The following LTBP2 variants were observed in gnomAD, a reference collection of about 807,000 sequenced individuals.
LTBP2 encodes latent transforming growth factor beta binding protein 2.
Under a neutral mutation model 210.6 loss-of-function variants are expected in LTBP2, and 103 were observed. That is an observed-to-expected ratio of 0.49 (90% confidence interval 0.42 to 0.58). The LOEUF (loss-of-function observed/expected upper bound fraction) is 0.58, where lower values mean the gene tolerates loss of function less well. Among genes scored for constraint, LTBP2 ranks in the 20% least tolerant of loss-of-function variants. LTBP2 has a pLI of 0.00. For synonymous variants in LTBP2, 1,007 were observed against 1,015.0 expected, an observed-to-expected ratio of 0.99 and a Z score of 0.15; for missense variants, 2,313 against 2,494.5, an observed-to-expected ratio of 0.93 and a Z score of 1.55.
rs747223182 is a variant in LTBP2, at chr14:74,532,538, C to T, written c.1875G>A (p.Glu625=). ...LNLTHCQDIN[E]CLTLGLCKDA... Reference sequence around the variant, plus strand: ...CCTTGCACAGGCCCAGGGTCAAGCACTCGTTGATATCTGCAGGGTTGGAGG... The same window carrying T: ...CCTTGCACAGGCCCAGGGTCAAGCATTCGTTGATATCTGCAGGGTTGGAGG... The change falls in exon 10 of 36, where the codon GAG becomes GAA. Residue 625 remains glutamate, a synonymous_variant. Transcript: ENST00000261978. The T allele has an allele frequency of 4.3e-6, 7 of 1,614,144 alleles. No homozygotes were observed. In the South Asian group the frequency reaches 4.4e-5, roughly 10 times the overall value.
At position 74,568,496 on chromosome 14, in the gene LTBP2, C is replaced by G. The variant is rs570766588; in HGVS notation, c.831-12803G>C. Among the ~76,000 whole-genome samples, 26 of 152,054 alleles carry G rather than the reference C, an allele frequency of 1.7e-4. No homozygotes were observed. The East Asian group carries it at 5.0e-3, about 29-fold the overall frequency. On this transcript the variant is annotated intron_variant, in intron 3 of 35. Transcript: ENST00000261978. Reference sequence around the variant, plus strand: ...ATAAACGGACATATTCAGGAATGTGCTGGCATGGTGTTCAGGGATAATCAG... The same window carrying G: ...ATAAACGGACATATTCAGGAATGTGGTGGCATGGTGTTCAGGGATAATCAG...
intron 3 of LTBP2, among the ~76,000 whole-genome samples, chr14:74,580,047 G>A (rs184249544): frequency 1.2e-3 from 181 of 152,300 alleles, no homozygotes; most frequent in South Asian, 4.1e-3. Flanking sequence ...CACATCTGAC[G>A]CTTTCTTGGG....
intron 3 of LTBP2, among the ~76,000 whole-genome samples, chr14:74,563,837 C>T (rs1358847804): frequency 6.7e-6 from 1 of 149,872 alleles, no homozygotes; most frequent in Non-Finnish European, 1.5e-5. Context: ...TCTGCTGGCT[C>T]CTGGTGTAGG....
In LTBP2 at chr14:74,511,308, G is replaced by A; in HGVS notation, c.2965C>T (p.Pro989Ser). 1 of 1,614,142 alleles carries A rather than the reference G, an allele frequency of 6.2e-7. No homozygotes were observed. The highest frequency in any genetic ancestry group is 8.5e-7 in the Non-Finnish European group (1 of 1,180,034). Residue 989 changes from proline (P) to serine (S), a missense_variant, in exon 19 of 36, where the codon CCT becomes TCT. Physicochemically the swap from Pro to Ser is moderately conservative, Grantham distance 74. Coordinates refer to ENST00000261978, the MANE Select transcript of LTBP2 (RefSeq NM_000428.3). ...CAGGCCAGACAAGTGTAGGAGCCAG[G>A]GGAATTGACGCATCTCCCATCAGGG... ...TCPDGRCVNS[P>S]GSYTCLACEE... is the part of the protein sequence containing the mutation.
intron 8 of LTBP2, among the ~76,000 whole-genome samples, chr14:74,547,795 C>T (rs905084014): frequency 6.6e-6 from 1 of 152,014 alleles, no homozygotes; most frequent in South Asian, 2.1e-4. Context: ...GGAGAGAGAC[C>T]CCCACCCACT....
intron 2 of LTBP2, among the ~76,000 whole-genome samples, chr14:74,591,668 T>C (rs557362106): frequency 2.6e-5 from 4 of 152,206 alleles, no homozygotes; most frequent in Non-Finnish European, 4.4e-5. Context: ...AGTGTTTGCA[T>C]TATGGGATTG....
At chr14:74,528,844 CAGGGAAGGCTACTTCAGTCTTCCAGATTG>C in intron 11 of LTBP2, 85 bp downstream of exon 11, 8 of 1,519,384 alleles carry the variant, frequency 5.3e-6, no homozygotes, top group Non-Finnish European at 7.2e-6. Context: ...CGTGAGCAGG[CAGGGAAGGCTACTTCAGTCTTCCAGATTG>C]AGGGAAGTCT....
chr14:74,554,754 A>G (rs766597793), intron 4 of LTBP2, among the ~76,000 whole-genome samples: 6 of 152,218 alleles, frequency 3.9e-5, no homozygotes, highest in Non-Finnish European at 8.8e-5. Flanking sequence ...GCACACAATT[A>G]TAAATACACT....
Position 74,529,013 on chromosome 14 carries a change from G to C in LTBP2, c.2097C>G (p.Ser699Arg). The C allele has an allele frequency of 1.2e-6, 2 of 1,602,648 alleles. No individual in the cohort carries two copies. The highest frequency in any genetic ancestry group is 1.7e-6 in the Non-Finnish European group (2 of 1,174,822). Residue 699 changes from serine to arginine, a missense_variant, in exon 11 of 36, where the codon AGC (serine) becomes AGG (arginine). Around this residue, in one of 3 missense-constraint regions of LTBP2, gnomAD observed 1,867 missense variants for 1,976.9 expected, o/e 0.94. Transcript: ENST00000261978. Reference sequence around the variant, plus strand: ...CGCTGCCCCATGCTTTGCCCACGCGGCTGCAGCAGCATATCTGCTTGGTGA... The same window carrying C: ...CGCTGCCCCATGCTTTGCCCACGCGCCTGCAGCAGCATATCTGCTTGGTGA... Reference protein sequence around the residue: ...QRITKQICCCSRVGKAWGSEC... With the variant: ...QRITKQICCCRRVGKAWGSEC...
Position 74,521,964 on chromosome 14 carries a change from A to C in LTBP2, c.2735T>G (p.Phe912Cys), listed in dbSNP as rs1389915045. ...CINRVGSYSCFCYPGYTLATS... is the reference protein window; with the variant it reads ...CINRVGSYSCCCYPGYTLATS... ...GGCCAGAGTGTAGCCAGGGTAGCAG[A>C]AGCAGGAGTAGGACCCCACGCGGTT... The change falls in exon 17 of 36, where the codon TTC becomes TGC. Residue 912 changes from phenylalanine to cysteine, a missense_variant. Physicochemically the swap from Phe to Cys is radical, Grantham distance 205. Coordinates refer to ENST00000261978, the MANE Select transcript of LTBP2 (RefSeq NM_000428.3). 2 of 1,614,196 alleles carry C rather than the reference A, an allele frequency of 1.2e-6. No homozygotes were observed. Among genetic ancestry groups the C allele is most frequent in the South Asian group, 2.2e-5 (2 of 91,084 alleles).
chr14:74,509,104 C>T (rs2087033746), intron 22 of LTBP2, 134 bp downstream of exon 22: 4 of 1,573,308 alleles, frequency 2.5e-6, no homozygotes, highest in Non-Finnish European at 3.5e-6. Flanking sequence ...CTGGGACAAG[C>T]TTGTGAGCGA....
rs572868836 is a variant in LTBP2 at position 74,587,572 on chromosome 14, C to T, written c.566-1454G>A. On this transcript the variant is annotated intron_variant, in intron 2 of 35. Transcript: ENST00000261978. ...ACCAGGCTGTGGAGGCTGGAAGGAA[C>T]GTGGCATACTCGAGAAGCCGCCAGA... Among the ~76,000 whole-genome samples, 5 of 151,718 alleles carry T rather than the reference C, an allele frequency of 3.3e-5. No homozygotes were observed. The East Asian group carries it at 5.9e-4, about 18-fold the overall frequency.
At chr14:74,544,836 G>A (rs1035551350) in intron 8 of LTBP2, among the ~76,000 whole-genome samples, 3 of 152,046 alleles carry the variant, frequency 2.0e-5, no homozygotes, top group African/African-American at 7.3e-5. Flanking sequence ...TTATTGCTGG[G>A]CGCCTGCAGT....
At chr14:74,562,644 C>A (rs1358678807) in intron 3 of LTBP2, among the ~76,000 whole-genome samples, 1 of 152,232 alleles carries the variant, frequency 6.6e-6, no homozygotes, top group Admixed American at 6.5e-5. Context: ...ACAAATATTT[C>A]TTGAACCCAG....
intron 19 of LTBP2, among the ~76,000 whole-genome samples, chr14:74,510,929 G>A (rs1242695217): frequency 6.6e-6 from 1 of 152,336 alleles, no homozygotes; most frequent in East Asian, 1.9e-4. Context: ...AACTGCAGAA[G>A]GGCCTGGCCC....
Position 74,504,069 on chromosome 14 carries a change from G to A in LTBP2, c.4454-15C>T, listed in dbSNP as rs767243950. 14 of 1,613,544 alleles carry A rather than the reference G, an allele frequency of 8.7e-6. No individual in the cohort carries two copies. The highest frequency in any genetic ancestry group is 1.2e-5 in the Non-Finnish European group (14 of 1,179,886). On this transcript the variant is annotated splice_polypyrimidine_tract_variant and intron_variant, in intron 30 of 35. Transcript: ENST00000261978. ...CTCATCCGCATCTGTGGAAGGCAGA[G>A]CTGAGGTGAGAGGAAGGTGAGAGGC...
At chr14:74,591,070 C>T (rs972602267) in intron 2 of LTBP2, among the ~76,000 whole-genome samples, 5 of 152,308 alleles carry the variant, frequency 3.3e-5, no homozygotes, top group East Asian at 3.9e-4. Context: ...CAAGCCCCTA[C>T]GGCACACCAC....
intron 28 of LTBP2, 145 bp downstream of exon 28, chr14:74,505,903 C>G (rs772804032): frequency 2.0e-5 from 23 of 1,148,054 alleles, no homozygotes; most frequent in Non-Finnish European, 2.6e-5. Flanking sequence ...CTCCATGCAC[C>G]AGGCCCCGCC....
intron 35 of LTBP2, 141 bp downstream of exon 35, chr14:74,501,300 T>A (rs1039388133): frequency 7.4e-7 from 1 of 1,352,976 alleles, no homozygotes; most frequent in South Asian, 1.2e-5. Context: ...AATTAAACCT[T>A]CCTTTGGCGC....
Sources: gnomAD v4.1 joint callset for allele counts (sites outside exome capture counted in the v4.1 genomes callset) on GRCh38, gnomAD v4.1.1 for gene constraint, gnomAD v4.1.1 regional missense constraint, MANE v1.5 for transcripts, NCBI Gene and HGNC (gene_info 2026-07-23, HGNC 2026-07-21) for gene names.